The following LSP1 variants were observed in gnomAD, a reference collection of about 807,000 sequenced individuals.
LSP1 encodes the protein lymphocyte-specific protein 1.
LSP1 carries 32 observed loss-of-function variants against 49.3 expected under a neutral mutation model. That is an observed-to-expected ratio of 0.65 (90% CI 0.49 to 0.87). The LOEUF is 0.87. LSP1 is among the 40% of genes least tolerant of loss of function. The pLI is 0.00. For missense variants in LSP1, 428 were observed against 442.6 expected, an observed-to-expected ratio of 0.97 and a Z score of 0.30; for synonymous variants, 179 against 178.8, an observed-to-expected ratio of 1.00 and a Z score of -0.01.
At chr11:1,880,367 G>A (rs1848489230) in intron 2 of LSP1, 143 bp downstream of exon 2, 2 of 1,067,058 alleles carry the variant, frequency 1.9e-6, no homozygotes, top group African/African-American at 1.6e-5. Context: ...AGCAGGCGTG[G>A]GAGTGGGTGA....
intron 1 of LSP1, among the ~76,000 whole-genome samples, chr11:1,872,430 A>C (rs1220554939): frequency 1.6e-5 from 2 of 125,700 alleles, no homozygotes; most frequent in Non-Finnish European, 3.2e-5. Context: ...GGCTGCAGTC[A>C]TCCTGGTGCG....
chr11:1,854,254 G>C (rs548868766), intron 1 of LSP1, among the ~76,000 whole-genome samples: 52 of 152,272 alleles, frequency 3.4e-4, no homozygotes, highest in Non-Finnish European at 1.6e-4. Flanking sequence ...GTTGCAGAAA[G>C]AGTGTGATGC....
intron 1 of LSP1, among the ~76,000 whole-genome samples, chr11:1,856,403 C>T (rs1847490789): frequency 1.3e-5 from 2 of 152,232 alleles, no homozygotes; most frequent in African/African-American, 4.8e-5. Context: ...ACATGCCCCT[C>T]CTAGCATCAC....
intron 1 of LSP1, chr11:1,866,385 T>G: frequency 5.9e-6 from 7 of 1,183,786 alleles, no homozygotes; most frequent in Non-Finnish European, 7.0e-6. Flanking sequence ...CCCATGGGGG[T>G]GAGCTAAGTG....
Position 1,884,490 on chromosome 11 carries a change from T to C in LSP1, c.636-10T>C. 6 of 1,612,816 alleles carry C rather than the reference T, an allele frequency of 3.7e-6. No individual in the cohort carries two copies. Among genetic ancestry groups the C allele is most frequent in the Non-Finnish European group, 5.1e-6 (6 of 1,178,930 alleles). On this transcript the variant is annotated splice_polypyrimidine_tract_variant and intron_variant, in intron 6 of 10. Coordinates refer to ENST00000311604, the MANE Select transcript of LSP1 (RefSeq NM_002339.3). The surrounding 1 kb of genome is among the most constrained non-coding windows in gnomAD (Gnocchi z 4.1). ...GAGACATGGGGCCTGACACATCTTC[T>C]ACCCTCCAGTAACAGTGTGAAGAAA...
At chr11:1,875,770 G>A (rs1207599115) in intron 1 of LSP1, among the ~76,000 whole-genome samples, 4 of 152,176 alleles carry the variant, frequency 2.6e-5, no homozygotes, top group African/African-American at 4.8e-5. Context: ...GCAGGTTCCC[G>A]TCTCTACGCC....
At chr11:1,876,477 G>A in intron 1 of LSP1, 1 of 985,628 alleles carries the variant, frequency 1.0e-6, no homozygotes, top group African/African-American at 1.7e-5. Context: ...CTCTTCACCA[G>A]AGCCTCCTCA....
At position 1,887,088 on chromosome 11, in the gene LSP1, C is replaced by T. The variant is rs1848786151; in HGVS notation, c.853-149C>T. 7.7e-6 allele frequency: 7 copies of T among 905,656 alleles called. No individual in the cohort carries two copies. The South Asian group carries it at 1.0e-4, about 14-fold the overall frequency. The allele number at this position is 905,656 out of a possible 1,614,324, so 56.1% of individuals were successfully genotyped here. On this transcript the variant is annotated intron_variant, in intron 8 of 10. Transcript: ENST00000311604. ...GGCACCTTTATTCCTTTCCCTGCCT[C>T]TTCCACTGGGATCACACAGAAAAAG...
At position 1,870,997 on chromosome 11, in the gene LSP1, C is replaced by T. The variant is rs2133080355; in HGVS notation, c.54-9090C>T. The T allele has an allele frequency of 8.1e-6, 8 of 985,610 alleles. No homozygotes were observed. The South Asian group carries it at 3.8e-4, about 46-fold the overall frequency. 61.1% of individuals were successfully genotyped at this position (985,610 alleles called of 1,614,324 possible). ...CTGTAGGTATCAGGGCTCCTTGGTC[C>T]CCTCCTGCGGGAAGCAGGCACCGAG... On this transcript the variant is annotated intron_variant, in intron 1 of 10. Coordinates refer to ENST00000311604, the MANE Select transcript of LSP1 (RefSeq NM_002339.3).
chr11:1,876,697 G>A (rs1317679251), intron 1 of LSP1: 6 of 935,908 alleles, frequency 6.4e-6, no homozygotes, highest in East Asian at 1.2e-4. Context: ...GGCCCTCAGC[G>A]GGGACTGGGA....
intron 1 of LSP1, chr11:1,868,815 GT>G: frequency 1.0e-6 from 1 of 985,774 alleles, no homozygotes; most frequent in Non-Finnish European, 1.2e-6. Context: ...TCAGGCTTCA[GT>G]CCCAGCCGGC....
intron 3 of LSP1, among the ~76,000 whole-genome samples, chr11:1,882,192 G>C (rs1848575017): frequency 6.6e-6 from 1 of 152,184 alleles, no homozygotes; most frequent in South Asian, 2.1e-4. Context: ...CACTACCCCT[G>C]CTCGGGGTCC....
At chr11:1,856,219 G>A (rs561978425) in intron 1 of LSP1, among the ~76,000 whole-genome samples, 2 of 152,184 alleles carry the variant, frequency 1.3e-5, no homozygotes, top group African/African-American at 4.8e-5. Context: ...CCCCCAGTCT[G>A]TTCCCCATGA....
intron 1 of LSP1, chr11:1,866,600 C>T: frequency 1.3e-6 from 2 of 1,550,024 alleles, no homozygotes; most frequent in South Asian, 1.2e-5. Flanking sequence ...TACCCCTGGC[C>T]CCCCATAAGC....
chr11:1,880,541 G>A (rs1848497314), intron 2 of LSP1: 10 of 277,878 alleles, frequency 3.6e-5, no homozygotes, highest in Middle Eastern at 9.9e-4. Flanking sequence ...AGACTCCCCC[G>A]CCAGTGACTC....
intron 1 of LSP1, among the ~76,000 whole-genome samples, chr11:1,856,344 A>C (rs1052764647): frequency 6.6e-6 from 1 of 152,186 alleles, no homozygotes; most frequent in Non-Finnish European, 1.5e-5. Flanking sequence ...TTCCCATCCC[A>C]CCAGCTTTCC....
intron 10 of LSP1, chr11:1,889,000 T>C (rs1848869860): frequency 3.6e-6 from 2 of 551,986 alleles, no homozygotes; most frequent in Non-Finnish European, 3.2e-6. Context: ...CAGCACCCCA[T>C]GTGCCCTTCC....
Position 1,876,727 on chromosome 11 carries a change from G to C in LSP1, c.54-3360G>C, listed in dbSNP as rs1848325789. 5 of 784,278 alleles carry C rather than the reference G, an allele frequency of 6.4e-6. No homozygotes were observed. The Admixed American group carries it at 3.1e-4, about 49-fold the overall frequency. 48.6% of individuals were successfully genotyped at this position (784,278 alleles called of 1,614,324 possible). ...CTGGGAGGTAGAAGTGGGGGTGGGG[G>C]TTTGTGGAGGAAGGAGAAGAAGGGC... On this transcript the variant is annotated intron_variant, in intron 1 of 10. Coordinates refer to ENST00000311604, the MANE Select transcript of LSP1 (RefSeq NM_002339.3).
At chr11:1,889,502 C>T (rs1246461702) in intron 10 of LSP1, 2 of 617,898 alleles carry the variant, frequency 3.2e-6, no homozygotes, top group African/African-American at 3.7e-5. Flanking sequence ...CCAGGCTCTG[C>T]CGCGGCTCTG....
Sources: allele counts gnomAD v4.1 joint callset (sites outside exome capture counted in the v4.1 genomes callset), GRCh38; gene constraint gnomAD v4.1.1; non-coding constraint Gnocchi (gnomAD v3.1); transcripts MANE v1.5; gene names NCBI Gene and HGNC (gene_info 2026-07-23, HGNC 2026-07-21).